The following ZNF462 variants were observed in gnomAD, a reference collection of about 807,000 sequenced individuals.
ZNF462 encodes the protein zinc finger PBX1-interacting protein.
ZNF462 carries 10 observed loss-of-function variants against 201.9 expected under a neutral mutation model. The observed-to-expected ratio is 0.05, with a 90% confidence interval of 0.03 to 0.08. The LOEUF is 0.08. Ranked by LOEUF, ZNF462 falls within the 10% of genes least tolerant of loss-of-function variation. The pLI, the probability that ZNF462 is intolerant of heterozygous loss-of-function variation, is 1.00. For missense variants in ZNF462, 2,523 were observed against 3,168.3 expected (o/e 0.80, Z 4.89); for synonymous variants, 1,227 against 1,193.3 (o/e 1.03, Z -0.58).
chr9:106,964,100 C>T (rs1396003044), intron 7 of ZNF462, among the ~76,000 whole-genome samples: 1 of 151,774 alleles, frequency 6.6e-6, no homozygotes, highest in Non-Finnish European at 1.5e-5. Context: ...GCTTCTACCT[C>T]CTGGCTATTG....
intron 1 of ZNF462, among the ~76,000 whole-genome samples, chr9:106,893,452 G>A (rs540061097): frequency 6.6e-6 from 1 of 152,294 alleles, no homozygotes; most frequent in South Asian, 2.1e-4. Context: ...GGCTTGCTAT[G>A]GCTTTTGCAG....
intron 7 of ZNF462, among the ~76,000 whole-genome samples, chr9:106,951,961 G>A (rs912474603): frequency 2.0e-5 from 3 of 152,028 alleles, no homozygotes; most frequent in Non-Finnish European, 4.4e-5. Context: ...CATACCAGGA[G>A]GGATTGTTTT....
At chr9:106,897,186 G>A (rs115212640) in intron 1 of ZNF462, among the ~76,000 whole-genome samples, 18 of 152,038 alleles carry the variant, frequency 1.2e-4, no homozygotes, top group African/African-American at 3.6e-4. Context: ...AAAAGTTTAG[G>A]GTATATGGCT....
Position 106,885,924 on chromosome 9 carries a change from T to A in ZNF462, c.-31+22569T>A, listed in dbSNP as rs900095052. The stretch of plus-strand genomic sequence containing the variant: ...AAGGGGAGGATGCCAGAGAGAGTCA[T>A]GTTCTGATAATTATTTGCTCTTTGG... On this transcript the variant is annotated intron_variant, in intron 1 of 12. Transcript: ENST00000277225. The surrounding 1 kb of genome is among the most constrained non-coding windows in gnomAD (Gnocchi z 4.1). Among the ~76,000 whole-genome samples the A allele has an allele frequency of 6.6e-6, 1 of 152,212 alleles. No homozygotes were observed. Among genetic ancestry groups the A allele is most frequent in the Non-Finnish European group, 1.5e-5 (1 of 68,042 alleles).
intron 7 of ZNF462, among the ~76,000 whole-genome samples, chr9:106,953,644 ACTCT>A (rs139423235): frequency 6.7e-6 from 1 of 149,958 alleles, no homozygotes; most frequent in East Asian, 2.0e-4. Context: ...TTCTCTTTGC[ACTCT>A]CTCTCTCTCT....
At chr9:106,986,762 C>T (rs1470465192) in intron 10 of ZNF462, among the ~76,000 whole-genome samples, 2 of 152,016 alleles carry the variant, frequency 1.3e-5, no homozygotes, top group Admixed American at 6.6e-5. Context: ...TTATCCCTTG[C>T]CCCCCTCCAC....
At chr9:106,996,256 A>C (rs560995941) in intron 10 of ZNF462, among the ~76,000 whole-genome samples, 3 of 152,272 alleles carry the variant, frequency 2.0e-5, no homozygotes, top group Non-Finnish European at 4.4e-5. Flanking sequence ...TGCTGTTGTG[A>C]ATAGTGCCAC....
rs1246585245 is a variant in ZNF462, at chr9:106,913,085, A to T, written c.-30-10269A>T. On this transcript the variant is annotated intron_variant, in intron 1 of 12. Coordinates refer to ENST00000277225, the MANE Select transcript of ZNF462 (RefSeq NM_021224.6). This position sits in a 1 kb window ranked among gnomAD's most constrained non-coding sequence, Gnocchi z 4.1. ...AGGGTAGCTTAGCGGTGTTATAAACACATAGGTGGAACAATGCAGCCAGAG... is the reference window on the plus strand; with the variant it reads ...AGGGTAGCTTAGCGGTGTTATAAACTCATAGGTGGAACAATGCAGCCAGAG... Among the ~76,000 whole-genome samples, 1 of 152,210 alleles carries T rather than the reference A, an allele frequency of 6.6e-6. No homozygotes were observed. Among genetic ancestry groups the T allele is most frequent in the Non-Finnish European group, 1.5e-5 (1 of 68,026 alleles).
rs536872787 is a variant in ZNF462, at chr9:106,905,874, C to T, written c.-30-17480C>T. Reference sequence around the variant, plus strand: ...TTCTTCCACACCTGTGTAGTCTGCACGCCGGATTTATGCCCTCCCCGGAGT... The same window carrying T: ...TTCTTCCACACCTGTGTAGTCTGCATGCCGGATTTATGCCCTCCCCGGAGT... On this transcript the variant is annotated intron_variant, in intron 1 of 12. Coordinates refer to ENST00000277225, the MANE Select transcript of ZNF462 (RefSeq NM_021224.6). The surrounding 1 kb of genome is among the most constrained non-coding windows in gnomAD (Gnocchi z 5.9). Among the ~76,000 whole-genome samples the T allele has an allele frequency of 1.0e-3, 154 of 152,134 alleles. 2 individuals are homozygous for T. Among genetic ancestry groups the T allele is most frequent in the African/African-American group, 3.4e-3 (139 of 41,488 alleles).
At chr9:106,861,681 C>A (rs562638772), upstream of ZNF462, among the ~76,000 whole-genome samples, 3 of 152,254 alleles carry the variant, frequency 2.0e-5, no homozygotes, top group South Asian at 6.2e-4. Context: ...TACTGTAGAA[C>A]CCCCATCCCC....
Position 107,009,713 on chromosome 9 carries a change from T to A in ZNF462, c.7313+45T>A, listed in dbSNP as rs555504673. 3.2e-5 allele frequency: 51 copies of A among 1,600,024 alleles called. No individual in the cohort carries two copies. In the African/African-American group the frequency reaches 5.5e-4, roughly 17 times the overall value. The stretch of plus-strand genomic sequence containing the variant: ...GGATGCCTTTGTCCAAAGCAAGAGG[T>A]AGGGAGGGAGGGAGGGGCTCTTGTT... On this transcript the variant is annotated intron_variant, in intron 12 of 12. Transcript: ENST00000277225. The surrounding 1 kb of genome is among the most constrained non-coding windows in gnomAD (Gnocchi z 6.1).
chr9:106,965,342 CAT>C (rs1360688444), intron 7 of ZNF462, among the ~76,000 whole-genome samples: 1 of 144,802 alleles, frequency 6.9e-6, no homozygotes, highest in African/African-American at 2.8e-5. Context: ...ACACTCATAT[CAT>C]AATCATATAT....
chr9:106,901,402 AT>A (rs1829059114), intron 1 of ZNF462, among the ~76,000 whole-genome samples: 1 of 151,858 alleles, frequency 6.6e-6, no homozygotes, highest in Non-Finnish European at 1.5e-5. Flanking sequence ...TATGTGGGCT[AT>A]TTTTTGGTTC....
At chr9:107,004,831 A>G (rs1207714509) in intron 11 of ZNF462, among the ~76,000 whole-genome samples, 2 of 152,098 alleles carry the variant, frequency 1.3e-5, no homozygotes, top group Non-Finnish European at 2.9e-5. Context: ...TATTTTTCCT[A>G]TCTGACTGAA....
At chr9:106,937,718 C>T (rs771463430) in intron 6 of ZNF462, among the ~76,000 whole-genome samples, 1 of 151,636 alleles carries the variant, frequency 6.6e-6, no homozygotes, top group African/African-American at 2.4e-5. Context: ...TATATTTAGC[C>T]TTTGTATTTA....
intron 1 of ZNF462, among the ~76,000 whole-genome samples, chr9:106,906,092 A>G (rs1311309650): frequency 6.6e-6 from 1 of 152,154 alleles, no homozygotes; most frequent in East Asian, 1.9e-4. Flanking sequence ...CTACCCCTGT[A>G]TTTCACTTGG....
Position 106,929,526 on chromosome 9 carries a change from C to G in ZNF462, c.5614C>G (p.Arg1872Gly). 6.2e-7 allele frequency: 1 copy of G among 1,614,152 alleles called. No homozygotes were observed. The part of the protein sequence containing the change: ...LCMHYTDHHS[R>G]DLKRDFIILG... Reference sequence around the variant, plus strand: ...CATGCATTACACTGACCACCACAGTCGGGACCTAAAGAGGGACTTCATCAT... The same window carrying G: ...CATGCATTACACTGACCACCACAGTGGGGACCTAAAGAGGGACTTCATCAT... The change falls in exon 3 of 13, where the codon CGG (arginine) becomes GGG (glycine). Residue 1872 changes from arginine (R) to glycine (G), a missense_variant. By Grantham distance (125) the Arg-to-Gly change is moderately radical. Transcript: ENST00000277225. The surrounding 1 kb of genome is among the most constrained non-coding windows in gnomAD (Gnocchi z 8.7).
intron 1 of ZNF462, among the ~76,000 whole-genome samples, chr9:106,915,359 G>A (rs1315601730): frequency 6.6e-6 from 1 of 152,176 alleles, no homozygotes; most frequent in African/African-American, 2.4e-5. Flanking sequence ...TGGTAATAAA[G>A]TCTACTGTTG....
rs368056745 is a variant in ZNF462, at chr9:106,925,555, C to T, written c.1643C>T (p.Pro548Leu). ...QQQQPPQPPP[P>L]PPPPPPSQPQ... ...CAACAGCCACCGCAGCCACCACCACCGCCGCCGCCACCACCACCATCACAG... is the reference window on the plus strand; with the variant it reads ...CAACAGCCACCGCAGCCACCACCACTGCCGCCGCCACCACCACCATCACAG... Residue 548 changes from proline (P) to leucine (L), a missense_variant, in exon 3 of 13, where the codon CCG (proline) becomes CTG (leucine). Physicochemically the swap from Pro to Leu is moderately conservative, Grantham distance 98. Coordinates refer to ENST00000277225, the MANE Select transcript of ZNF462 (RefSeq NM_021224.6). The surrounding 1 kb of genome is among the most constrained non-coding windows in gnomAD (Gnocchi z 7.9). 8.5e-5 allele frequency: 137 copies of T among 1,612,186 alleles called. No individual in the cohort carries two copies. The highest frequency in any genetic ancestry group is 1.6e-4 in the East Asian group (7 of 44,770).
Sources: allele counts gnomAD v4.1 joint callset (sites outside exome capture counted in the v4.1 genomes callset), GRCh38; gene constraint gnomAD v4.1.1; non-coding constraint Gnocchi (gnomAD v3.1); transcripts MANE v1.5; gene names NCBI Gene and HGNC (gene_info 2026-07-23, HGNC 2026-07-21).